Variants in ITGA9 observed in about 807,000 individuals in gnomAD.
ITGA9 encodes integrin alpha-9.
In ITGA9, 56 loss-of-function variants were observed where a neutral mutation model predicts 127.8. That is an observed-to-expected ratio of 0.44 (90% CI 0.35 to 0.55). ITGA9 has a LOEUF of 0.55. Ranked by LOEUF, ITGA9 falls within the 20% of genes least tolerant of loss-of-function variation. The pLI is 0.00. For missense variants in ITGA9, 1,196 were observed against 1,347.1 expected, an observed-to-expected ratio of 0.89 and a Z score of 1.76; for synonymous variants, 508 against 514.5, an observed-to-expected ratio of 0.99 and a Z score of 0.17.
chr3:37,767,529 C>T (rs1315951117), intron 23 of ITGA9, among the ~76,000 whole-genome samples: 1 of 152,160 alleles, frequency 6.6e-6, no homozygotes, highest in Non-Finnish European at 1.5e-5. Flanking sequence ...TGCTCTATCC[C>T]CAGCTCTGCA....
intron 15 of ITGA9, among the ~76,000 whole-genome samples, chr3:37,553,075 A>G (rs982166396): frequency 1.3e-5 from 2 of 152,008 alleles, no homozygotes; most frequent in African/African-American, 4.8e-5. Context: ...AGTCATTAGG[A>G]TAGCACAAAG....
chr3:37,582,160 G>T (rs997128043), intron 15 of ITGA9, among the ~76,000 whole-genome samples: 1 of 152,160 alleles, frequency 6.6e-6, no homozygotes, highest in Non-Finnish European at 1.5e-5. Context: ...CACCATAGTG[G>T]TGATTTCATA....
chr3:37,620,613 C>T (rs1204217872), intron 15 of ITGA9, among the ~76,000 whole-genome samples: 2 of 152,158 alleles, frequency 1.3e-5, no homozygotes, highest in Admixed American at 6.5e-5. Flanking sequence ...AGCTTGGACC[C>T]CCTCTGACCT....
chr3:37,779,913 A>G lies in ITGA9; in HGVS notation c.2679A>G (p.Lys893=). Residue 893 remains lysine, a synonymous_variant, in exon 25 of 28, where the codon AAA becomes AAG. Coordinates refer to ENST00000264741, the MANE Select transcript of ITGA9 (RefSeq NM_002207.3). The part of the protein sequence containing the change: ...KSGRKVLDCE[K]PGISCLTAHC... ...ACTTTTCTTCTCAGGACTGTGAAAA[A>G]CCAGGAATTTCTTGCCTAACAGCAC... The G allele has an allele frequency of 1.9e-6, 3 of 1,614,076 alleles. No individual in the cohort carries two copies. Among genetic ancestry groups the G allele is most frequent in the African/African-American group, 1.3e-5 (1 of 75,044 alleles).
intron 23 of ITGA9, among the ~76,000 whole-genome samples, chr3:37,758,565 G>A (rs1696684073): frequency 6.6e-6 from 1 of 151,354 alleles, no homozygotes; most frequent in Non-Finnish European, 1.5e-5. Flanking sequence ...ATTTATTTAT[G>A]ATATTTTATT....
chr3:37,498,931 C>A (rs1698760854), intron 5 of ITGA9, among the ~76,000 whole-genome samples: 1 of 152,232 alleles, frequency 6.6e-6, no homozygotes, highest in African/African-American at 2.4e-5. Flanking sequence ...TCTTGCTGAC[C>A]TCGCCACTTG....
intron 15 of ITGA9, among the ~76,000 whole-genome samples, chr3:37,623,490 G>A (rs1253930667): frequency 6.6e-6 from 1 of 152,198 alleles, no homozygotes; most frequent in Non-Finnish European, 1.5e-5. Context: ...CAAGGGAAAA[G>A]TGCCCATAAA....
At chr3:37,612,641 C>T (rs1700034181) in intron 15 of ITGA9, among the ~76,000 whole-genome samples, 1 of 152,230 alleles carries the variant, frequency 6.6e-6, no homozygotes, top group Admixed American at 6.5e-5. Context: ...CCTGAATTCT[C>T]TTCGAGGTTA....
chr3:37,558,738 G>A (rs1288660956), intron 15 of ITGA9, among the ~76,000 whole-genome samples: 2 of 152,208 alleles, frequency 1.3e-5, no homozygotes, highest in East Asian at 3.9e-4. Context: ...CATCCGTTCT[G>A]AATACCATGA....
At chr3:37,645,296 C>T (rs546585549) in intron 16 of ITGA9, among the ~76,000 whole-genome samples, 13 of 152,260 alleles carry the variant, frequency 8.5e-5, no homozygotes, top group East Asian at 5.8e-4. Context: ...AGGCCAGGCA[C>T]GGTGGCTCAC....
rs752671758 is a variant in ITGA9, at chr3:37,629,415, A to G, written c.1839+79A>G. On this transcript the variant is annotated intron_variant, in intron 16 of 27. Transcript: ENST00000264741. The surrounding 1 kb of genome is among the most constrained non-coding windows in gnomAD (Gnocchi z 4.5). ...GAAATAATGGCCCAAAAGTTGAGAG[A>G]GCCGTGGGCCTGGCTGCTCAGGAGA... The G allele has an allele frequency of 6.5e-7, 1 of 1,540,746 alleles. No individual in the cohort carries two copies.
intron 17 of ITGA9, among the ~76,000 whole-genome samples, chr3:37,667,072 G>A (rs1442764073): frequency 1.3e-5 from 2 of 152,078 alleles, no homozygotes; most frequent in African/African-American, 4.8e-5. Context: ...AAGCATTGGG[G>A]TCAGGGTGGG....
intron 14 of ITGA9, among the ~76,000 whole-genome samples, chr3:37,535,450 TC>T: frequency 6.6e-6 from 1 of 152,198 alleles, no homozygotes; most frequent in East Asian, 1.9e-4. Flanking sequence ...AGTGGCTCTT[TC>T]TGGGGCCCCA....
intron 15 of ITGA9, among the ~76,000 whole-genome samples, chr3:37,602,458 A>G (rs1157718871): frequency 1.3e-5 from 2 of 152,194 alleles, no homozygotes; most frequent in Non-Finnish European, 2.9e-5. Flanking sequence ...AAATACAGGC[A>G]GCAAACTCTA....
At chr3:37,665,303 G>T (rs1331727760) in intron 17 of ITGA9, among the ~76,000 whole-genome samples, 24 of 151,900 alleles carry the variant, frequency 1.6e-4, no homozygotes. Context: ...GCTGTTTCTG[G>T]AATCTCTGGC....
chr3:37,682,798 A>G (rs1700746479), intron 17 of ITGA9, among the ~76,000 whole-genome samples: 1 of 152,128 alleles, frequency 6.6e-6, no homozygotes, highest in Non-Finnish European at 1.5e-5. Context: ...CATCCAGTCC[A>G]TGAGAAAAAT....
intron 18 of ITGA9, among the ~76,000 whole-genome samples, chr3:37,706,709 A>G (rs961421118): frequency 3.3e-5 from 5 of 152,216 alleles, no homozygotes; most frequent in Non-Finnish European, 7.3e-5. Context: ...TACAAAGCTG[A>G]AATCATCAGA....
intron 18 of ITGA9, among the ~76,000 whole-genome samples, chr3:37,705,010 C>G (rs564380409): frequency 1.3e-5 from 2 of 152,310 alleles, no homozygotes; most frequent in East Asian, 3.9e-4. Context: ...ACCATTTACT[C>G]TGATTTCAGA....
intron 20 of ITGA9, 46 bp from the exon 21 acceptor site, chr3:37,741,684 C>T: frequency 6.9e-7 from 1 of 1,455,162 alleles, no homozygotes. Flanking sequence ...CACTGCTGGA[C>T]AGCTAGTGTT....
Sources: allele counts gnomAD v4.1 joint callset (sites outside exome capture counted in the v4.1 genomes callset), GRCh38; gene constraint gnomAD v4.1.1; non-coding constraint Gnocchi (gnomAD v3.1); transcripts MANE v1.5; gene names NCBI Gene and HGNC (gene_info 2026-07-23, HGNC 2026-07-21).